WAC: variants seen among roughly 807,000 people sequenced by gnomAD.
The protein encoded by WAC is WW domain-containing adapter protein with coiled-coil.
WAC carries 11 observed loss-of-function variants against 79.6 expected under a neutral mutation model. The observed-to-expected ratio is 0.14, with a 90% CI of 0.09 to 0.23. The LOEUF is 0.23. Among genes scored for constraint, WAC ranks in the 10% least tolerant of loss-of-function variants. WAC has a pLI of 1.00. For missense variants in WAC, 728 were observed against 773.5 expected (o/e 0.94, Z 0.70); for synonymous variants, 304 against 276.9 (o/e 1.10, Z -0.97).
At chr10:28,594,054 C>T (rs1840232410) in intron 6 of WAC, among the ~76,000 whole-genome samples, 1 of 152,140 alleles carries the variant, frequency 6.6e-6, no homozygotes, top group Non-Finnish European at 1.5e-5. Flanking sequence ...AGCAAAGCAC[C>T]ACCCTCTGGG....
At chr10:28,566,613 T>C (rs1192236740) in intron 3 of WAC, among the ~76,000 whole-genome samples, 1 of 152,222 alleles carries the variant, frequency 6.6e-6, no homozygotes. Context: ...TACTCATGAA[T>C]GACATCTTAG....
chr10:28,612,805 C>T (rs1025216512), intron 10 of WAC, among the ~76,000 whole-genome samples: 4 of 152,050 alleles, frequency 2.6e-5, no homozygotes, highest in African/African-American at 9.7e-5. Context: ...TATGCAGTTC[C>T]TTATCATTTG....
intron 7 of WAC, among the ~76,000 whole-genome samples, chr10:28,598,985 AG>A (rs1327764611): frequency 6.6e-6 from 1 of 152,186 alleles, no homozygotes; most frequent in East Asian, 1.9e-4. Context: ...TCCTTAGATA[AG>A]TTTTATAGCA....
intron 3 of WAC, among the ~76,000 whole-genome samples, chr10:28,555,588 T>G (rs1837936885): frequency 6.6e-6 from 1 of 152,054 alleles, no homozygotes; most frequent in Admixed American, 6.6e-5. Context: ...GGTGGAAAAT[T>G]ACTAAGGAAA....
chr10:28,589,738 T>G lies in WAC; in HGVS notation c.384T>G (p.Pro128=). The part of the protein sequence containing the change: ...SNNPSKTSDA[P]YDSADDWSEH... ...ATTGTAAAAAATATATTTTTAAGCC[T>G]TATGATTCTGCAGATGACTGGTCTG... is the stretch of plus-strand genomic sequence containing the variant. Residue 128 remains proline (P), a splice_region_variant and synonymous_variant, in exon 5 of 14, where the codon CCT becomes CCG. Coordinates refer to ENST00000354911, the MANE Select transcript of WAC (RefSeq NM_016628.5). 1 of 1,590,496 alleles carries G rather than the reference T, an allele frequency of 6.3e-7. No homozygotes were observed. Among genetic ancestry groups the G allele is most frequent in the Non-Finnish European group, 8.6e-7 (1 of 1,164,334 alleles).
intron 3 of WAC, among the ~76,000 whole-genome samples, chr10:28,541,921 G>T (rs1837074589): frequency 6.6e-6 from 1 of 152,148 alleles, no homozygotes; most frequent in Non-Finnish European, 1.5e-5. Flanking sequence ...ACAGTAGCCA[G>T]AGTGATCCAG....
intron 10 of WAC, among the ~76,000 whole-genome samples, chr10:28,614,169 G>C (rs956236870): frequency 6.6e-6 from 1 of 151,868 alleles, no homozygotes. Flanking sequence ...GCTGTGGCGC[G>C]ATCTCCGCTC....
At chr10:28,546,328 A>G (rs968787559) in intron 3 of WAC, among the ~76,000 whole-genome samples, 2 of 152,236 alleles carry the variant, frequency 1.3e-5, no homozygotes, top group East Asian at 1.9e-4. Context: ...AATTTGTTCT[A>G]ACTTCATAGA....
At chr10:28,590,858 A>C (rs982625734) in intron 6 of WAC, 26 bp downstream of exon 6, 1 of 1,542,524 alleles carries the variant, frequency 6.5e-7, no homozygotes, top group Admixed American at 1.8e-5. Flanking sequence ...TTTTCTTTGA[A>C]ATGTATGTTT....
At chr10:28,541,178 T>G (rs1334342611) in intron 3 of WAC, among the ~76,000 whole-genome samples, 1 of 152,070 alleles carries the variant, frequency 6.6e-6, no homozygotes, top group African/African-American at 2.4e-5. Flanking sequence ...ATACTTGGGG[T>G]TTTGGTCTGT....
chr10:28,589,346 G>A (rs1839978728), intron 4 of WAC: 1 of 157,930 alleles, frequency 6.3e-6, no homozygotes. Context: ...TTAGTATTGT[G>A]CCTTAGAATT....
At chr10:28,557,446 A>AGG in intron 3 of WAC, among the ~76,000 whole-genome samples, 1 of 152,330 alleles carries the variant, frequency 6.6e-6, no homozygotes, top group African/African-American at 2.4e-5. Flanking sequence ...CTATAATCCT[A>AGG]GCACATGGGG....
At chr10:28,556,644 A>G (rs902428769) in intron 3 of WAC, among the ~76,000 whole-genome samples, 6 of 152,032 alleles carry the variant, frequency 3.9e-5, no homozygotes, top group African/African-American at 9.7e-5. Context: ...ACCAAAGTCA[A>G]AGAGCTGTTT....
At chr10:28,586,348 T>G (rs1003711464) in intron 4 of WAC, among the ~76,000 whole-genome samples, 2 of 152,028 alleles carry the variant, frequency 1.3e-5, no homozygotes, top group Non-Finnish European at 2.9e-5. Context: ...TGGTAAAGAT[T>G]AGGAAAAGCT....
chr10:28,612,426 G>GA (rs1299600472), intron 10 of WAC, among the ~76,000 whole-genome samples: 1 of 152,162 alleles, frequency 6.6e-6, no homozygotes, highest in Non-Finnish European at 1.5e-5. Flanking sequence ...AGGTGTTTGT[G>GA]AATACAGGGA....
chr10:28,551,336 C>A (rs1837656371), intron 3 of WAC, among the ~76,000 whole-genome samples: 2 of 151,964 alleles, frequency 1.3e-5, no homozygotes, highest in African/African-American at 4.8e-5. Context: ...CACTTTGTAT[C>A]AGGGAAAAAA....
intron 4 of WAC, 168 bp from the exon 5 acceptor site, chr10:28,589,568 G>T: frequency 2.7e-6 from 1 of 375,508 alleles, no homozygotes; most frequent in Admixed American, 4.6e-5. Flanking sequence ...TGTCTTTGAA[G>T]ATTTTCATAA....
intron 3 of WAC, among the ~76,000 whole-genome samples, chr10:28,537,160 T>G (rs1307625061): frequency 6.6e-6 from 1 of 152,258 alleles, no homozygotes; most frequent in Admixed American, 6.5e-5. Flanking sequence ...TAGTTATAGC[T>G]TAGTGCTATT....
chr10:28,533,645 CGGGCGGCGGCGGG>C lies in WAC; in HGVS notation c.41+42_41+54del, dbSNP rs574005797. ...GGTAAATTGTCTTTTCGTTTCGGGC[CGGGCGGCGGCGGG>C]GGGCGGCGGCGGGGGGGCTGTTCCT... On this transcript the variant is annotated intron_variant, in intron 1 of 13. Coordinates refer to ENST00000354911, the MANE Select transcript of WAC (RefSeq NM_016628.5). The C allele has an allele frequency of 6.0e-4, 899 of 1,500,832 alleles. 1 individual carries two copies. Among genetic ancestry groups the C allele is most frequent in the East Asian group, 8.8e-4 (36 of 40,972 alleles). 93.0% of individuals were successfully genotyped at this position (1,500,832 alleles called of 1,614,324 possible).
Sources: gnomAD v4.1 joint callset for allele counts (sites outside exome capture counted in the v4.1 genomes callset) on GRCh38, gnomAD v4.1.1 for gene constraint, MANE v1.5 for transcripts, NCBI Gene and HGNC (gene_info 2026-07-23, HGNC 2026-07-21) for gene names.